TACC2: variants seen among roughly 807,000 people sequenced by gnomAD.
The protein encoded by TACC2 is transforming acidic coiled-coil containing protein 2.
TACC2 carries 137 observed loss-of-function variants against 227.3 expected under a neutral mutation model. That is an observed-to-expected ratio of 0.60 (90% CI 0.52 to 0.69). The LOEUF is 0.69. TACC2 is among the 30% of genes least tolerant of loss of function. TACC2 has a pLI of 0.00. For missense variants in TACC2, 3,470 were observed against 3,694.4 expected (o/e 0.94, Z 1.57); for synonymous variants, 1,523 against 1,487.5 (o/e 1.02, Z -0.55).
chr10:122,086,774 C>T lies in TACC2; in HGVS notation c.4274C>T (p.Ala1425Val). 6.2e-7 allele frequency: 1 copy of T among 1,613,908 alleles called. No homozygotes were observed. The highest frequency in any genetic ancestry group is 8.5e-7 in the Non-Finnish European group (1 of 1,179,954). The change falls in exon 4 of 23, where the codon GCC (alanine) becomes GTC (valine). Residue 1425 changes from alanine to valine, a missense_variant. By Grantham distance (64) the Ala-to-Val change is moderately conservative. Around this residue, in one of 10 missense-constraint regions of TACC2, gnomAD observed 1,924 missense variants for 1,978.3 expected, o/e 0.97. Transcript: ENST00000369005. ...GAGAAGCCTGTGCTCGGAGCCCTGG[C>T]CACACCTGGAGAAAAGGCAGGAGCT... ...IFEKPVLGAL[A>V]TPGEKAGAGR... is the part of the protein sequence containing the mutation.
At chr10:122,203,377 C>CA (rs1336742358) in intron 8 of TACC2, among the ~76,000 whole-genome samples, 4 of 149,110 alleles carry the variant, frequency 2.7e-5, no homozygotes, top group African/African-American at 1.0e-4. Flanking sequence ...CTGACCCCCC[C>CA]ACCTCCCTCC....
At chr10:122,099,668 T>C (rs144696906) in intron 5 of TACC2, among the ~76,000 whole-genome samples, 1 of 152,312 alleles carries the variant, frequency 6.6e-6, no homozygotes, top group Non-Finnish European at 1.5e-5. Flanking sequence ...CTGCAAATGC[T>C]GTCAGCCAAG....
Position 122,085,141 on chromosome 10 carries a change from C to T in TACC2, c.2641C>T (p.Pro881Ser). 6.2e-7 allele frequency: 1 copy of T among 1,614,124 alleles called. No individual in the cohort carries two copies. The highest frequency in any genetic ancestry group is 2.2e-5 in the East Asian group (1 of 44,884). ...DSSQIHVPVE[P>S]QEDNNLPTHG... ...TTCCCAAATCCATGTACCTGTGGAA[C>T]CTCAGGAAGATAACAACTTGCCCAC... Residue 881 changes from proline (P) to serine (S), a missense_variant, in exon 4 of 23, where the codon CCT becomes TCT. Physicochemically the swap from Pro to Ser is moderately conservative, Grantham distance 74. Coordinates refer to ENST00000369005, the MANE Select transcript of TACC2 (RefSeq NM_206862.4).
chr10:122,140,944 A>G (rs1292436800), intron 6 of TACC2, among the ~76,000 whole-genome samples: 1 of 152,170 alleles, frequency 6.6e-6, no homozygotes, highest in Non-Finnish European at 1.5e-5. Flanking sequence ...TCAGAACTTG[A>G]GTTGGGTCAT....
At chr10:122,115,179 A>G (rs1029622969) in intron 5 of TACC2, among the ~76,000 whole-genome samples, 7 of 152,212 alleles carry the variant, frequency 4.6e-5, no homozygotes, top group Admixed American at 3.9e-4. Flanking sequence ...CTGGTTCACA[A>G]TGCCACGCCA....
At chr10:122,220,702 T>G (rs1407551662) in intron 11 of TACC2, among the ~76,000 whole-genome samples, 1 of 152,248 alleles carries the variant, frequency 6.6e-6, no homozygotes, top group East Asian at 1.9e-4. Context: ...AATTATGATT[T>G]AAATACATAT....
At chr10:122,165,134 C>T (rs2093079096) in intron 7 of TACC2, among the ~76,000 whole-genome samples, 1 of 152,224 alleles carries the variant, frequency 6.6e-6, no homozygotes, top group Non-Finnish European at 1.5e-5. Context: ...AAAGCATCGT[C>T]TTACAATGGA....
chr10:122,160,910 A>G (rs1246869156), intron 7 of TACC2, among the ~76,000 whole-genome samples: 1 of 152,170 alleles, frequency 6.6e-6, no homozygotes, highest in Non-Finnish European at 1.5e-5. Context: ...AGTTGTATCG[A>G]CTGTAATGGT....
intron 3 of TACC2, among the ~76,000 whole-genome samples, chr10:122,060,842 T>TA (rs1434720486): frequency 4.6e-5 from 7 of 151,306 alleles, no homozygotes; most frequent in Non-Finnish European, 8.8e-5. Flanking sequence ...CTGTCTCTAC[T>TA]AAAAACACAG....
chr10:122,233,630 C>A (rs1305371383), intron 16 of TACC2, among the ~76,000 whole-genome samples: 1 of 152,192 alleles, frequency 6.6e-6, no homozygotes, highest in African/African-American at 2.4e-5. Flanking sequence ...CTACCCCCAC[C>A]CATACACACA....
chr10:122,184,265 A>G (rs1378327810), intron 7 of TACC2, among the ~76,000 whole-genome samples: 2 of 152,102 alleles, frequency 1.3e-5, no homozygotes, highest in Admixed American at 6.5e-5. Flanking sequence ...CTGGGGGAGC[A>G]CTTGGAGGGG....
chr10:122,226,509 A>G (rs1395630497), intron 13 of TACC2, 28 bp downstream of exon 13: 1 of 1,477,722 alleles, frequency 6.8e-7, no homozygotes, highest in East Asian at 2.3e-5. Context: ...AGAGAGTTAC[A>G]CATCATGCTG....
Position 122,211,128 on chromosome 10 carries a change from C to T in TACC2, c.6703C>T (p.Pro2235Ser), listed in dbSNP as rs773027256. 9 of 1,608,748 alleles carry T rather than the reference C, an allele frequency of 5.6e-6. No homozygotes were observed. In the African/African-American group the frequency reaches 6.7e-5, roughly 12 times the overall value. Residue 2235 changes from proline (P) to serine (S), a missense_variant, in exon 9 of 23, where the codon CCT becomes TCT. Transcript: ENST00000369005. Reference sequence around the variant, plus strand: ...ACCCCCTGTCGGGAGGAAAACGCTGCCTCTTACCACGGCCCCGGAGGCAGG... The same window carrying T: ...ACCCCCTGTCGGGAGGAAAACGCTGTCTCTTACCACGGCCCCGGAGGCAGG... ...NSPPVGRKTL[P>S]LTTAPEAGEV...
intron 7 of TACC2, among the ~76,000 whole-genome samples, chr10:122,183,164 C>T (rs1461988840): frequency 6.6e-6 from 1 of 151,730 alleles, no homozygotes; most frequent in African/African-American, 2.4e-5. Context: ...AAGATTGCGC[C>T]ACTGCACTCC....
chr10:122,179,785 GT>G (rs2093901468), intron 7 of TACC2, among the ~76,000 whole-genome samples: 1 of 152,000 alleles, frequency 6.6e-6, no homozygotes, highest in African/African-American at 2.4e-5. Flanking sequence ...TACAAAAAAT[GT>G]TTTTAAAAAA....
At chr10:122,022,764 G>A (rs1565091509) in intron 2 of TACC2, 8 of 152,206 alleles carry the variant, frequency 5.3e-5, no homozygotes, top group Admixed American at 5.2e-4. Flanking sequence ...AATGTGAGTG[G>A]TCATTCTCAT....
At chr10:122,046,820 G>A (rs374593479) in intron 2 of TACC2, among the ~76,000 whole-genome samples, 40 of 152,102 alleles carry the variant, frequency 2.6e-4, no homozygotes, top group African/African-American at 9.7e-4. Context: ...TGATTGAAAG[G>A]GGGGCCTGGC....
At chr10:122,222,404 C>T (rs903441418) in intron 11 of TACC2, among the ~76,000 whole-genome samples, 2 of 152,158 alleles carry the variant, frequency 1.3e-5, no homozygotes, top group Non-Finnish European at 2.9e-5. Flanking sequence ...ACAAGCAGGG[C>T]GTGTTCTGAA....
At chr10:122,160,247 G>A (rs1430260738) in intron 7 of TACC2, among the ~76,000 whole-genome samples, 1 of 152,196 alleles carries the variant, frequency 6.6e-6, no homozygotes, top group African/African-American at 2.4e-5. Flanking sequence ...GGTTTGCAGT[G>A]GAGCCTGTCT....
Sources: gnomAD v4.1 joint callset for allele counts (sites outside exome capture counted in the v4.1 genomes callset) on GRCh38, gnomAD v4.1.1 for gene constraint, gnomAD v4.1.1 regional missense constraint, MANE v1.5 for transcripts, NCBI Gene and HGNC (gene_info 2026-07-23, HGNC 2026-07-21) for gene names.